Variants in TCERG1L observed in about 807,000 individuals in gnomAD.
TCERG1L encodes transcription elongation regulator 1-like protein.
TCERG1L carries 37 observed loss-of-function variants against 56.3 expected under a neutral mutation model. The observed-to-expected ratio is 0.66, with a 90% CI of 0.51 to 0.87. TCERG1L has a LOEUF of 0.87. TCERG1L is among the 40% of genes least tolerant of loss of function. The pLI is 0.00. For missense variants in TCERG1L, 799 were observed against 774.2 expected (o/e 1.03, Z -0.38); for synonymous variants, 324 against 326.3 (o/e 0.99, Z 0.08).
In TCERG1L at chr10:131,292,418, G is replaced by A. The variant is rs140797015; in HGVS notation, c.670+15793C>T. The stretch of plus-strand genomic sequence containing the variant: ...TATATTCTACTGGATTCTTACAGAT[G>A]TTACTGTTACTGTTCTGTTACATTT... On this transcript the variant is annotated intron_variant, in intron 3 of 11. Transcript: ENST00000368642. Among the ~76,000 whole-genome samples the A allele has an allele frequency of 6.7e-3, 1,018 of 152,306 alleles. 11 individuals carry two copies. Among genetic ancestry groups the A allele is most frequent in the Admixed American group, 0.018 (280 of 15,302 alleles).
intron 4 of TCERG1L, among the ~76,000 whole-genome samples, chr10:131,197,054 C>T (rs1262698539): frequency 2.6e-5 from 4 of 152,120 alleles, no homozygotes; most frequent in Non-Finnish European, 4.4e-5. Flanking sequence ...CTCACCCTGC[C>T]CTTCCTCTAC....
intron 4 of TCERG1L, among the ~76,000 whole-genome samples, chr10:131,174,029 A>T (rs1020936957): frequency 2.0e-5 from 3 of 152,048 alleles, no homozygotes; most frequent in African/African-American, 7.2e-5. Context: ...ACCGGAGGGG[A>T]TGGAGTCGGA....
At chr10:131,256,974 AAGGAAGGAAGGAAG>A in intron 4 of TCERG1L, among the ~76,000 whole-genome samples, 1 of 71,976 alleles carries the variant, frequency 1.4e-5, no homozygotes, top group East Asian at 3.3e-4. Context: ...GGAAGGAAGG[AAGGAAGGAAGGAAG>A]GAAGGAAAGA....
At chr10:131,232,908 T>G (rs201612722) in intron 4 of TCERG1L, among the ~76,000 whole-genome samples, 1 of 152,258 alleles carries the variant, frequency 6.6e-6, no homozygotes, top group Non-Finnish European at 1.5e-5. Context: ...CCACAGTCTT[T>G]GTAAATAGGT....
At chr10:131,300,649 T>C (rs1008684125) in intron 3 of TCERG1L, among the ~76,000 whole-genome samples, 2 of 152,216 alleles carry the variant, frequency 1.3e-5, no homozygotes, top group African/African-American at 4.8e-5. Context: ...AACATGCTAA[T>C]CATGGTCAAT....
chr10:131,193,863 AATTTT>A (rs1845329953), intron 4 of TCERG1L, among the ~76,000 whole-genome samples: 1 of 152,094 alleles, frequency 6.6e-6, no homozygotes, highest in African/African-American at 2.4e-5. Flanking sequence ...TTTTTTTTCT[AATTTT>A]ATTAAAAATG....
chr10:131,182,001 T>A (rs11592708), intron 4 of TCERG1L, among the ~76,000 whole-genome samples: 16,569 of 152,224 alleles, frequency 0.11, 1,035 homozygotes, highest in Non-Finnish European at 0.14. Flanking sequence ...TGTGTGCACA[T>A]AGCACACCGT....
At chr10:131,292,738 T>TA (rs1266296780) in intron 3 of TCERG1L, among the ~76,000 whole-genome samples, 2 of 152,184 alleles carry the variant, frequency 1.3e-5, no homozygotes, top group Non-Finnish European at 2.9e-5. Flanking sequence ...ATCGTTTATC[T>TA]AATTACTTAA....
chr10:131,132,904 C>T (rs1029438405), intron 8 of TCERG1L, among the ~76,000 whole-genome samples: 1 of 152,206 alleles, frequency 6.6e-6, no homozygotes, highest in Admixed American at 6.5e-5. Flanking sequence ...CTAGACCTCC[C>T]CACATAGTGG....
chr10:131,219,339 G>A (rs1371570680), intron 4 of TCERG1L, among the ~76,000 whole-genome samples: 2 of 152,186 alleles, frequency 1.3e-5, no homozygotes, highest in African/African-American at 4.8e-5. Flanking sequence ...TTACTCAGCT[G>A]TCACTCCCCA....
intron 4 of TCERG1L, among the ~76,000 whole-genome samples, chr10:131,256,651 G>A (rs958389879): frequency 4.6e-5 from 7 of 152,022 alleles, no homozygotes; most frequent in Non-Finnish European, 8.8e-5. Context: ...TTGGGGAGGC[G>A]GAGGTGGGCG....
chr10:131,160,229 C>T (rs1845962883), intron 6 of TCERG1L, among the ~76,000 whole-genome samples: 1 of 152,222 alleles, frequency 6.6e-6, no homozygotes, highest in Non-Finnish European at 1.5e-5. Flanking sequence ...TCCCTCTCAT[C>T]CTCATGCTTG....
At chr10:131,111,885 C>G (rs1188016357) in intron 9 of TCERG1L, among the ~76,000 whole-genome samples, 1 of 143,328 alleles carries the variant, frequency 7.0e-6, no homozygotes, top group Non-Finnish European at 1.6e-5. Context: ...AAATAAGACA[C>G]CGGCAGCCGA....
At chr10:131,195,195 T>TC (rs1230922521) in intron 4 of TCERG1L, among the ~76,000 whole-genome samples, 1 of 152,220 alleles carries the variant, frequency 6.6e-6, no homozygotes, top group African/African-American at 2.4e-5. Context: ...CATGAGATCA[T>TC]CTTAGCAGGC....
At chr10:131,244,306 C>T (rs1262985394) in intron 4 of TCERG1L, among the ~76,000 whole-genome samples, 1 of 152,104 alleles carries the variant, frequency 6.6e-6, no homozygotes, top group Non-Finnish European at 1.5e-5. Context: ...ATGCCAGGAG[C>T]AGAAGTGTCA....
intron 4 of TCERG1L, among the ~76,000 whole-genome samples, chr10:131,208,403 C>A (rs908451500): frequency 4.6e-5 from 7 of 152,160 alleles, no homozygotes. Flanking sequence ...CCACAGAGCT[C>A]GACAGAGATG....
intron 9 of TCERG1L, among the ~76,000 whole-genome samples, chr10:131,111,411 C>T (rs770811004): frequency 7.0e-6 from 1 of 142,800 alleles, no homozygotes; most frequent in Non-Finnish European, 1.6e-5. Flanking sequence ...GTTACTTTTG[C>T]GAAAGTCCTG....
chr10:131,170,422 T>G (rs970657599), intron 4 of TCERG1L, among the ~76,000 whole-genome samples: 3 of 152,036 alleles, frequency 2.0e-5, no homozygotes, highest in African/African-American at 7.2e-5. Flanking sequence ...TCGGGGAGCA[T>G]GCAATGTATT....
intron 4 of TCERG1L, among the ~76,000 whole-genome samples, chr10:131,190,157 C>T (rs184368327): frequency 2.6e-5 from 4 of 152,132 alleles, no homozygotes; most frequent in African/African-American, 9.6e-5. Context: ...TCTATATGCG[C>T]CAACTAGAAA....
Sources: allele counts gnomAD v4.1 joint callset (sites outside exome capture counted in the v4.1 genomes callset), GRCh38; gene constraint gnomAD v4.1.1; transcripts MANE v1.5; gene names NCBI Gene and HGNC (gene_info 2026-07-23, HGNC 2026-07-21).